The following SNX31 variants were observed in gnomAD, a reference collection of about 807,000 sequenced individuals.
SNX31 encodes sorting nexin 31, also known as sorting nexin-31.
In SNX31, 58 loss-of-function variants were observed where a neutral mutation model predicts 65.4. The observed-to-expected ratio is 0.89, with a 90% CI of 0.72 to 1.10. SNX31 has a LOEUF of 1.10. SNX31 is among the 50% of genes least tolerant of loss of function. The pLI is 0.00. For synonymous variants in SNX31, 181 were observed against 190.1 expected (o/e 0.95, Z 0.39); for missense variants, 523 against 529.7 (o/e 0.99, Z 0.12).
rs969976557 is a variant in SNX31 at position 100,614,598 on chromosome 8, G to T, written c.433-1513C>A. Among the ~76,000 whole-genome samples, 2 of 152,148 alleles carry T rather than the reference G, an allele frequency of 1.3e-5. No individual in the cohort carries two copies. Among genetic ancestry groups the T allele is most frequent in the African/African-American group, 2.4e-5 (1 of 41,416 alleles). On this transcript the variant is annotated intron_variant, in intron 5 of 13. Coordinates refer to ENST00000311812, the MANE Select transcript of SNX31 (RefSeq NM_152628.4). This position sits in a 1 kb window ranked among gnomAD's most constrained non-coding sequence, Gnocchi z 5.1. ...GCCCTTAAAGAGGCCATTGAGGCCC[G>T]GCACGGTGGCTCATGCCTGTAATCC...
At chr8:100,574,486 A>T (rs1194715247) in intron 13 of SNX31, among the ~76,000 whole-genome samples, 1 of 152,154 alleles carries the variant, frequency 6.6e-6, no homozygotes, top group Admixed American at 6.5e-5. Context: ...CAAAAAAATT[A>T]GCTAGGCATG....
At chr8:100,589,201 T>C (rs533092230) in intron 10 of SNX31, among the ~76,000 whole-genome samples, 6 of 149,992 alleles carry the variant, frequency 4.0e-5, no homozygotes, top group Admixed American at 3.4e-4. Flanking sequence ...CTTGGGAGGC[T>C]GAGGCAGGAG....
intron 3 of SNX31, 138 bp downstream of exon 3, chr8:100,635,759 A>G: frequency 1.6e-6 from 1 of 612,946 alleles, no homozygotes; most frequent in Non-Finnish European, 2.8e-6. Context: ...ATATTCTAAA[A>G]TTAGATTACG....
intron 10 of SNX31, among the ~76,000 whole-genome samples, chr8:100,595,755 G>A (rs185599429): frequency 5.9e-5 from 9 of 152,290 alleles, no homozygotes; most frequent in East Asian, 1.9e-4. Flanking sequence ...GAAAGGCTGC[G>A]TTTGAGATGT....
intron 5 of SNX31, among the ~76,000 whole-genome samples, chr8:100,615,936 AT>A (rs113202320): frequency 3.4e-4 from 50 of 149,082 alleles, no homozygotes; most frequent in African/African-American, 1.0e-3. Flanking sequence ...CGCCCGGCTA[AT>A]TTTTTTTTTG....
chr8:100,624,538 T>C (rs1355834280), intron 4 of SNX31, among the ~76,000 whole-genome samples: 1 of 152,144 alleles, frequency 6.6e-6, no homozygotes, highest in Non-Finnish European at 1.5e-5. Context: ...TTTAGAGCAA[T>C]ATAATAAAGA....
chr8:100,624,902 AGC>A (rs777994934), intron 4 of SNX31, among the ~76,000 whole-genome samples: 1 of 152,094 alleles, frequency 6.6e-6, no homozygotes, highest in Non-Finnish European at 1.5e-5. Flanking sequence ...TCTGGGCTCA[AGC>A]AATCCTCCTG....
rs1816834488 is a variant in SNX31, at chr8:100,612,843, C to T, written c.523+152G>A. On this transcript the variant is annotated intron_variant, in intron 6 of 13. Transcript: ENST00000311812. This position sits in a 1 kb window ranked among gnomAD's most constrained non-coding sequence, Gnocchi z 4.3. ...TCTCCCCTAACAAGGACGCAACCTC[C>T]TATTCCCTAAACCCTTAACCCAGTG... 1 of 682,438 alleles carries T rather than the reference C, an allele frequency of 1.5e-6. No homozygotes were observed. Among genetic ancestry groups the T allele is most frequent in the Non-Finnish European group, 2.6e-6 (1 of 389,148 alleles). 42.3% of individuals were successfully genotyped at this position (682,438 alleles called of 1,614,324 possible). A position where few individuals can be genotyped will look rare whatever the true frequency, so the allele number is the denominator to read the frequency against.
chr8:100,615,699 A>C (rs1433454709), intron 5 of SNX31, among the ~76,000 whole-genome samples: 1 of 152,236 alleles, frequency 6.6e-6, no homozygotes, highest in Non-Finnish European at 1.5e-5. Context: ...TAGGCATGTT[A>C]CTGTACTAAA....
intron 13 of SNX31, 110 bp from the exon 14 acceptor site, chr8:100,574,070 CA>C (rs2130740564): frequency 1.7e-6 from 1 of 583,694 alleles, no homozygotes; most frequent in South Asian, 2.6e-5. Context: ...AGAAAGCTTA[CA>C]TTTGTATAAG....
chr8:100,574,606 C>G (rs1350473468), intron 13 of SNX31, among the ~76,000 whole-genome samples: 1 of 145,152 alleles, frequency 6.9e-6, no homozygotes, highest in Non-Finnish European at 1.5e-5. Context: ...GCACTTCAGC[C>G]TGGCAACAGA....
chr8:100,597,478 C>T (rs996399622), intron 9 of SNX31, among the ~76,000 whole-genome samples: 1 of 152,136 alleles, frequency 6.6e-6, no homozygotes, highest in Non-Finnish European at 1.5e-5. Context: ...CCGACCTTGT[C>T]GTGATCCACC....
chr8:100,615,551 G>A (rs1166596851), intron 5 of SNX31, among the ~76,000 whole-genome samples: 15 of 152,198 alleles, frequency 9.9e-5, no homozygotes, highest in Admixed American at 9.8e-4. Context: ...ATCGTTAGGC[G>A]ATTTTGTTGT....
intron 4 of SNX31, among the ~76,000 whole-genome samples, chr8:100,620,825 C>G (rs1439246392): frequency 1.3e-5 from 2 of 152,158 alleles, no homozygotes; most frequent in Non-Finnish European, 2.9e-5. Context: ...CCAGGCCGAG[C>G]ATGGTGGCTC....
rs1202675447 is a variant in SNX31 at position 100,573,888 on chromosome 8, T to C, written c.1300A>G (p.Asn434Asp). 7 of 1,578,112 alleles carry C rather than the reference T, an allele frequency of 4.4e-6. No homozygotes were observed. The East Asian group carries it at 1.4e-4, about 32-fold the overall frequency. The change falls in exon 14 of 14, where the codon AAC (asparagine) becomes GAC (aspartate). Residue 434 changes from asparagine (N) to aspartate (D), a missense_variant. Coordinates refer to ENST00000311812, the MANE Select transcript of SNX31 (RefSeq NM_152628.4). ...CTTCAGAGATCTTCTTCCTTTATGT[T>C]CCCAAAAACGCAGTCATCTTTAGCT... ...KIAKDDCVFG[N>D]IKEEDL is the part of the protein sequence containing the mutation.
chr8:100,624,456 T>C (rs1421628126), intron 4 of SNX31, among the ~76,000 whole-genome samples: 1 of 152,334 alleles, frequency 6.6e-6, no homozygotes, highest in Admixed American at 6.5e-5. Context: ...TTTTTAACTT[T>C]TATTCCATCC....
At position 100,660,578 on chromosome 8, in the gene SNX31, G is replaced by A. The variant is rs1180338160; in HGVS notation, c.-58+2564C>T. Among the ~76,000 whole-genome samples, 1 of 152,134 alleles carries A rather than the reference G, an allele frequency of 6.6e-6. No homozygotes were observed. Among genetic ancestry groups the A allele is most frequent in the Non-Finnish European group, 1.5e-5 (1 of 68,018 alleles). ...CACGGGGCTCTAACTCAAGTGGCAG[G>A]CGTCCCTGACCTGACAGAAGAAGGT... On this transcript the variant is annotated intron_variant, in intron 1 of 5. Coordinates refer to the SNX31 transcript ENST00000520352. This position sits in a 1 kb window ranked among gnomAD's most constrained non-coding sequence, Gnocchi z 4.1.
rs528488659 is a variant in SNX31 at position 100,597,264 on chromosome 8, C to T, written c.775-422G>A. Among the ~76,000 whole-genome samples, 9 of 150,046 alleles carry T rather than the reference C, an allele frequency of 6.0e-5. No homozygotes were observed. In the East Asian group the frequency reaches 1.2e-3, roughly 20 times the overall value. On this transcript the variant is annotated intron_variant, in intron 9 of 13. Transcript: ENST00000311812. ...TACATTGGCTTTTTTTTTTTTTAGA[C>T]GGAGTCTCGTTCTATCACCCAGGCT...
chr8:100,621,427 A>C (rs1379930381), intron 4 of SNX31, among the ~76,000 whole-genome samples: 1 of 152,220 alleles, frequency 6.6e-6, no homozygotes, highest in Non-Finnish European at 1.5e-5. Flanking sequence ...ACTTACTGGC[A>C]ACAGGTAAGA....
Sources: gnomAD v4.1 joint callset for allele counts (sites outside exome capture counted in the v4.1 genomes callset) on GRCh38, gnomAD v4.1.1 for gene constraint, Gnocchi (gnomAD v3.1) non-coding constraint, MANE v1.5 for transcripts, NCBI Gene and HGNC (gene_info 2026-07-23, HGNC 2026-07-21) for gene names.